GLCCI1: variants seen among roughly 807,000 people sequenced by gnomAD.
GLCCI1 encodes glucocorticoid induced 1.
Under a neutral mutation model 52.2 loss-of-function variants are expected in GLCCI1, and 24 were observed. The observed-to-expected ratio is 0.46, with a 90% confidence interval of 0.33 to 0.65. The LOEUF (loss-of-function observed/expected upper bound fraction) is 0.65, where lower values mean the gene tolerates loss of function less well. GLCCI1 is among the 30% of genes least tolerant of loss of function. The pLI is 0.02. For synonymous variants in GLCCI1, 310 were observed against 276.5 expected (o/e 1.12, Z -1.20); for missense variants, 704 against 701.5 (o/e 1.00, Z -0.04).
intron 1 of GLCCI1, chr7:7,980,595 C>A (rs1780593485): frequency 7.4e-6 from 5 of 676,362 alleles, no homozygotes; most frequent in South Asian, 5.4e-5. Context: ...CTATTTTTGG[C>A]CTAGGATTGT....
In GLCCI1 at chr7:7,976,479, CAAA is replaced by C. The variant is rs35255634; in HGVS notation, c.457+6689_457+6691del. Among the ~76,000 whole-genome samples, 26 of 24,680 alleles carry C rather than the reference CAAA, an allele frequency of 1.1e-3. 1 individual carries two copies. The highest frequency in any genetic ancestry group is 4.2e-3 in the African/African-American group (21 of 5,018). 16.2% of individuals were successfully genotyped at this position (24,680 alleles called of 152,430 possible). A position where few individuals can be genotyped will look rare whatever the true frequency, so the allele number is the denominator to read the frequency against. On this transcript the variant is annotated intron_variant, in intron 1 of 7. Coordinates refer to ENST00000223145, the MANE Select transcript of GLCCI1 (RefSeq NM_138426.4). ...GGGCAACAAGAGTGAAACTCCATCT[CAAA>C]AAAAAAAAAAAAAAAAGGAAAGGAA...
rs116929524 is a variant in GLCCI1 at position 8,008,016 on chromosome 7, C to G, written c.609+3957C>G. Among the ~76,000 whole-genome samples, 309 of 152,186 alleles carry G rather than the reference C, an allele frequency of 2.0e-3. 5 individuals are homozygous for G. The East Asian group carries it at 0.045, about 22-fold the overall frequency. On this transcript the variant is annotated intron_variant, in intron 2 of 7. Transcript: ENST00000223145. The stretch of plus-strand genomic sequence containing the variant: ...TATTAATGGTGTACAGCATGGTAGA[C>G]ACACACACATTTGAAATGATTACAT...
rs1783099046 is a variant in GLCCI1, at chr7:8,086,073, A to G, written c.1299-120A>G. 2.5e-6 allele frequency: 2 copies of G among 807,624 alleles called. No individual in the cohort carries two copies. Among genetic ancestry groups the G allele is most frequent in the African/African-American group, 3.4e-5 (2 of 58,364 alleles). 50.0% of individuals were successfully genotyped at this position (807,624 alleles called of 1,614,324 possible). A position where few individuals can be genotyped will look rare whatever the true frequency, so the allele number is the denominator to read the frequency against. On this transcript the variant is annotated intron_variant, in intron 7 of 7. Coordinates refer to ENST00000223145, the MANE Select transcript of GLCCI1 (RefSeq NM_138426.4). The surrounding 1 kb of genome is among the most constrained non-coding windows in gnomAD (Gnocchi z 4.4). ...GGAAGATGTTTACCCCTCTGTATAC[A>G]CTTAACCCATCTCCTGCCATTTACA...
At chr7:8,071,204 A>AT in intron 6 of GLCCI1, 73 bp downstream of exon 6, 2 of 1,184,738 alleles carry the variant, frequency 1.7e-6, no homozygotes, top group Admixed American at 2.3e-5. Context: ...AGACCATTAC[A>AT]TCTTTTTTTT....
At chr7:8,015,464 T>C (rs1781359146) in intron 2 of GLCCI1, among the ~76,000 whole-genome samples, 1 of 152,224 alleles carries the variant, frequency 6.6e-6, no homozygotes. Flanking sequence ...ACTGAAGATT[T>C]GACTGTTTTT....
chr7:8,076,104 T>C (rs1409116188), intron 6 of GLCCI1, among the ~76,000 whole-genome samples: 1 of 152,226 alleles, frequency 6.6e-6, no homozygotes, highest in Non-Finnish European at 1.5e-5. Context: ...TGTATTTATC[T>C]CTAGGGCTCT....
chr7:7,969,615 G>T lies in GLCCI1; in HGVS notation c.265G>T (p.Ala89Ser). 1.9e-6 allele frequency: 2 copies of T among 1,027,736 alleles called. No homozygotes were observed. Among genetic ancestry groups the T allele is most frequent in the Non-Finnish European group, 2.3e-6 (2 of 859,610 alleles). The allele number at this position is 1,027,736 out of a possible 1,614,324, so 63.7% of individuals were successfully genotyped here. A position where few individuals can be genotyped will look rare whatever the true frequency, so the allele number is the denominator to read the frequency against. The change falls in exon 1 of 8, where the codon GCC becomes TCC. Residue 89 changes from alanine to serine, a missense_variant. Coordinates refer to ENST00000223145, the MANE Select transcript of GLCCI1 (RefSeq NM_138426.4). The surrounding 1 kb of genome is among the most constrained non-coding windows in gnomAD (Gnocchi z 4.9). Reference sequence around the variant, plus strand: ...CACGCGTCCGCCCGTCGCCGCTGCCGCCGCCTCGCTGGGCAGCCTCCCGGG... The same window carrying T: ...CACGCGTCCGCCCGTCGCCGCTGCCTCCGCCTCGCTGGGCAGCCTCCCGGG... ...SPTRPPVAAAAASLGSLPGPG... is the reference protein window; with the variant it reads ...SPTRPPVAAASASLGSLPGPG...
intron 3 of GLCCI1, among the ~76,000 whole-genome samples, chr7:8,034,712 C>G (rs961819827): frequency 2.6e-5 from 4 of 152,018 alleles, no homozygotes; most frequent in Non-Finnish European, 5.9e-5. Flanking sequence ...CAGGAAGAAG[C>G]TAGGACACAG....
rs888507721 is a variant in GLCCI1 at position 8,087,509 on chromosome 7, T to A, written c.*971T>A. On this transcript the variant is annotated 3_prime_UTR_variant, in exon 8 of 8. Coordinates refer to ENST00000223145, the MANE Select transcript of GLCCI1 (RefSeq NM_138426.4). ...AGTTAATTTCAAAATAAGTGAAGTG[T>A]TTGACGGAATGGTTGAGATTTTTTT... The A allele has an allele frequency of 6.6e-6, 1 of 152,662 alleles. No homozygotes were observed. Among genetic ancestry groups the A allele is most frequent in the Admixed American group, 6.5e-5 (1 of 15,282 alleles). The allele number at this position is 152,662 out of a possible 1,614,324, so 9.5% of individuals were successfully genotyped here.
chr7:8,029,682 G>A (rs1781702093), intron 3 of GLCCI1, among the ~76,000 whole-genome samples: 1 of 104,836 alleles, frequency 9.5e-6, no homozygotes, highest in South Asian at 2.7e-4. Flanking sequence ...CCATCAAAAA[G>A]CTATTAAAAC....
rs182768439 is a variant in GLCCI1, at chr7:8,064,327, C to T, written c.966+4079C>T. On this transcript the variant is annotated intron_variant, in intron 5 of 7. Coordinates refer to ENST00000223145, the MANE Select transcript of GLCCI1 (RefSeq NM_138426.4). ...GTTTCAGTCTTCTGCATATAGCTAG[C>T]GAATTATCCCAGTGCCATTTATTGA... Among the ~76,000 whole-genome samples the T allele has an allele frequency of 9.2e-5, 14 of 152,252 alleles. No individual in the cohort carries two copies. The East Asian group carries it at 1.5e-3, about 17-fold the overall frequency.
At chr7:8,049,839 A>G (rs1341536226) in intron 3 of GLCCI1, among the ~76,000 whole-genome samples, 1 of 152,192 alleles carries the variant, frequency 6.6e-6, no homozygotes, top group African/African-American at 2.4e-5. Flanking sequence ...TGGATTTGCC[A>G]TTTATTAGCT....
At chr7:8,065,466 T>G (rs1476819409) in intron 5 of GLCCI1, among the ~76,000 whole-genome samples, 1 of 152,114 alleles carries the variant, frequency 6.6e-6, no homozygotes, top group Non-Finnish European at 1.5e-5. Context: ...TGAGAGGGCA[T>G]TCTTGTTTCA....
At chr7:8,051,273 G>T (rs115599436) in intron 3 of GLCCI1, among the ~76,000 whole-genome samples, 1 of 152,336 alleles carries the variant, frequency 6.6e-6, no homozygotes, top group African/African-American at 2.4e-5. Flanking sequence ...TTGTGTATTT[G>T]CAGAGGTCTT....
rs953468384 is a variant in GLCCI1, at chr7:8,084,026, A to T, written c.1178-871A>T. ...TGTGCTTAGTATTTTAGCAGTGGGG[A>T]TAGGTTTGCATTAAGTCAGAATTTG... is the stretch of plus-strand genomic sequence containing the variant. On this transcript the variant is annotated intron_variant, in intron 6 of 7. Transcript: ENST00000223145. Among the ~76,000 whole-genome samples the T allele has an allele frequency of 3.9e-5, 6 of 152,322 alleles. 1 individual carries two copies. Among genetic ancestry groups the T allele is most frequent in the African/African-American group, 1.4e-4 (6 of 41,576 alleles).
chr7:8,074,018 A>G (rs181358857), intron 6 of GLCCI1, among the ~76,000 whole-genome samples: 19 of 152,310 alleles, frequency 1.2e-4, no homozygotes, highest in Admixed American at 1.2e-3. Context: ...ATATGTAACT[A>G]TGCACACATG....
intron 1 of GLCCI1, among the ~76,000 whole-genome samples, chr7:7,992,267 A>T (rs905795098): frequency 1.3e-5 from 2 of 151,992 alleles, no homozygotes; most frequent in Middle Eastern, 6.8e-3. Context: ...ATGGTCATTT[A>T]TTTCATTTAG....
intron 1 of GLCCI1, among the ~76,000 whole-genome samples, chr7:7,970,931 G>C (rs1022716741): frequency 1.1e-4 from 1 of 8,940 alleles, no homozygotes. Context: ...GTGGTATGTG[G>C]AATTTTTTTT....
chr7:8,023,609 T>TTTTTTTTTTTTTTTG (rs1376686799), intron 3 of GLCCI1, among the ~76,000 whole-genome samples: 1 of 128,570 alleles, frequency 7.8e-6, no homozygotes, highest in Non-Finnish European at 1.6e-5. Flanking sequence ...TTTTTTTTTT[T>TTTTTTTTTTTTTTTG]TTTTTTTGAG....
Sources: allele counts gnomAD v4.1 joint callset (sites outside exome capture counted in the v4.1 genomes callset), GRCh38; gene constraint gnomAD v4.1.1; non-coding constraint Gnocchi (gnomAD v3.1); transcripts MANE v1.5; gene names NCBI Gene and HGNC (gene_info 2026-07-23, HGNC 2026-07-21).